The following MAD1L1 variants were observed in gnomAD, a reference collection of about 807,000 sequenced individuals.
MAD1L1 encodes mitotic arrest deficient 1 like 1.
MAD1L1 carries 95 observed loss-of-function variants against 96.9 expected under a neutral mutation model. That is an observed-to-expected ratio of 0.98 (90% CI 0.83 to 1.16). MAD1L1 has a LOEUF of 1.16. Ranked by LOEUF, MAD1L1 falls within the 50% of genes most tolerant of loss-of-function variation. The pLI is 0.00. For synonymous variants in MAD1L1, 473 were observed against 396.6 expected (o/e 1.19, Z -2.29); for missense variants, 1,007 against 954.4 (o/e 1.06, Z -0.73).
chr7:1,957,297 G>C (rs1779766487), intron 16 of MAD1L1, among the ~76,000 whole-genome samples: 1 of 152,244 alleles, frequency 6.6e-6, no homozygotes, highest in South Asian at 2.1e-4. Flanking sequence ...GAAAACCAAA[G>C]AGAAAGTACA....
intron 9 of MAD1L1, among the ~76,000 whole-genome samples, chr7:2,214,353 C>T (rs1334956550): frequency 6.6e-6 from 1 of 152,220 alleles, no homozygotes; most frequent in African/African-American, 2.4e-5. Context: ...GAACCCAGCA[C>T]CTGAGAGAAG....
intron 12 of MAD1L1, among the ~76,000 whole-genome samples, chr7:2,066,742 C>T (rs188359118): frequency 6.2e-4 from 94 of 152,346 alleles, no homozygotes; most frequent in African/African-American, 1.9e-3. Flanking sequence ...CACCAGACAT[C>T]CAGTGACTGC....
At chr7:1,936,373 T>C (rs1327261094) in intron 17 of MAD1L1, among the ~76,000 whole-genome samples, 3 of 152,368 alleles carry the variant, frequency 2.0e-5, no homozygotes, top group African/African-American at 7.2e-5. Context: ...CTGGATTTAC[T>C]TGTGATTAAT....
intron 12 of MAD1L1, among the ~76,000 whole-genome samples, chr7:2,060,123 C>A (rs116413455): frequency 2.7e-5 from 4 of 146,394 alleles, no homozygotes; most frequent in African/African-American, 1.0e-4. Flanking sequence ...GCCAAGATGC[C>A]GAGATGTCGA....
intron 10 of MAD1L1, among the ~76,000 whole-genome samples, chr7:2,209,200 C>A (rs1156718049): frequency 6.6e-6 from 1 of 152,186 alleles, no homozygotes; most frequent in African/African-American, 2.4e-5. Flanking sequence ...GTTTCACTGA[C>A]CCACCCCAGC....
intron 18 of MAD1L1, among the ~76,000 whole-genome samples, chr7:1,883,129 G>A (rs55660943): frequency 1.3e-5 from 2 of 150,570 alleles, no homozygotes; most frequent in Non-Finnish European, 3.0e-5. Flanking sequence ...CAGCAAACCT[G>A]GTGTCACAAA....
chr7:1,997,580 G>A (rs55689856), intron 14 of MAD1L1, among the ~76,000 whole-genome samples: 50,554 of 152,254 alleles, frequency 0.33, 9,333 homozygotes, highest in East Asian at 0.56. Context: ...AGGCTGTCCC[G>A]CAGCCCAGAG....
chr7:2,180,384 T>G (rs543089044), intron 10 of MAD1L1, among the ~76,000 whole-genome samples: 2 of 152,348 alleles, frequency 1.3e-5, no homozygotes, highest in East Asian at 3.9e-4. Flanking sequence ...CTGGCTAATA[T>G]TCATTCTGAG....
chr7:2,219,328 C>A lies in MAD1L1; in HGVS notation c.596+4G>T, dbSNP rs944575662. On this transcript the variant is annotated splice_donor_region_variant and intron_variant, in intron 6 of 18. Transcript: ENST00000265854. ...CCCCGACCCCACACCCTGGCCCCGCCCACTTGTGTTGCAGGTCCAGCTGCT... is the reference window on the plus strand; with the variant it reads ...CCCCGACCCCACACCCTGGCCCCGCACACTTGTGTTGCAGGTCCAGCTGCT... 7.0e-6 allele frequency: 11 copies of A among 1,565,100 alleles called. No individual in the cohort carries two copies. Among genetic ancestry groups the A allele is most frequent in the Non-Finnish European group, 9.5e-6 (11 of 1,154,990 alleles).
chr7:1,869,038 T>C (rs958307537), intron 18 of MAD1L1, among the ~76,000 whole-genome samples: 1 of 151,922 alleles, frequency 6.6e-6, no homozygotes, highest in Non-Finnish European at 1.5e-5. Context: ...CAGGCTGGGG[T>C]GGGGCCCGAA....
At chr7:1,955,073 G>A (rs1042370577) in intron 16 of MAD1L1, among the ~76,000 whole-genome samples, 2 of 152,228 alleles carry the variant, frequency 1.3e-5, no homozygotes, top group Non-Finnish European at 2.9e-5. Flanking sequence ...AGCGGCACTC[G>A]CGCCCAGCTC....
At chr7:2,133,804 C>G (rs1024828216) in intron 11 of MAD1L1, among the ~76,000 whole-genome samples, 1 of 152,178 alleles carries the variant, frequency 6.6e-6, no homozygotes, top group African/African-American at 2.4e-5. Context: ...GACCGTTTTC[C>G]TCTGAGCTGC....
intron 10 of MAD1L1, among the ~76,000 whole-genome samples, chr7:2,167,107 C>T (rs527892908): frequency 2.0e-5 from 3 of 152,290 alleles, no homozygotes; most frequent in Non-Finnish European, 4.4e-5. Context: ...AGGAGAGTGC[C>T]GGTGAAACAG....
chr7:2,185,505 C>CA (rs973297263), intron 10 of MAD1L1, among the ~76,000 whole-genome samples: 5 of 151,922 alleles, frequency 3.3e-5, no homozygotes, highest in Non-Finnish European at 7.4e-5. Flanking sequence ...ATTATTATCT[C>CA]AAAAAAATGT....
At chr7:2,133,997 T>C (rs1788638743) in intron 11 of MAD1L1, among the ~76,000 whole-genome samples, 1 of 152,230 alleles carries the variant, frequency 6.6e-6, no homozygotes, top group Admixed American at 6.5e-5. Context: ...TTCACTGGTG[T>C]TGTGCTGGCC....
At chr7:2,215,496 G>A (rs1793218653) in intron 9 of MAD1L1, among the ~76,000 whole-genome samples, 1 of 151,992 alleles carries the variant, frequency 6.6e-6, no homozygotes, top group Non-Finnish European at 1.5e-5. Context: ...TCCTTCTGCA[G>A]ATTCCAGGGG....
At chr7:2,131,121 T>A (rs1788490283) in intron 11 of MAD1L1, among the ~76,000 whole-genome samples, 1 of 152,238 alleles carries the variant, frequency 6.6e-6, no homozygotes, top group Non-Finnish European at 1.5e-5. Flanking sequence ...GTTGACATAC[T>A]GCACTATGAG....
At chr7:2,209,757 C>T (rs1475196091) in intron 10 of MAD1L1, among the ~76,000 whole-genome samples, 3 of 152,224 alleles carry the variant, frequency 2.0e-5, no homozygotes, top group East Asian at 3.9e-4. Flanking sequence ...CGCCAGCCCA[C>T]CCGGCACAGG....
At chr7:2,030,592 G>T (rs1001253205) in intron 12 of MAD1L1, among the ~76,000 whole-genome samples, 1 of 152,196 alleles carries the variant, frequency 6.6e-6, no homozygotes, top group South Asian at 2.1e-4. Context: ...GCCGGACCCC[G>T]CAGGAGTGGA....
Sources: allele counts gnomAD v4.1 joint callset (sites outside exome capture counted in the v4.1 genomes callset), GRCh38; gene constraint gnomAD v4.1.1; transcripts MANE v1.5; gene names NCBI Gene and HGNC (gene_info 2026-07-23, HGNC 2026-07-21).